ZZEF1: variants seen among roughly 807,000 people sequenced by gnomAD.
ZZEF1 encodes the protein zinc finger ZZ-type and EF-hand domain containing 1.
Under a neutral mutation model 342.8 loss-of-function variants are expected in ZZEF1, and 157 were observed. The observed-to-expected ratio is 0.46, with a 90% CI of 0.40 to 0.52. The LOEUF (loss-of-function observed/expected upper bound fraction) is 0.52. Among genes scored for constraint, ZZEF1 ranks in the 20% least tolerant of loss-of-function variants. The pLI, the probability that ZZEF1 is intolerant of heterozygous loss-of-function variation, is 0.00. For synonymous variants in ZZEF1, 1,505 were observed against 1,429.1 expected (o/e 1.05, Z -1.20); for missense variants, 3,480 against 3,725.6 (o/e 0.93, Z 1.72).
chr17:4,042,621 G>C, intron 38 of ZZEF1, 53 bp from the exon 39 acceptor site: 1 of 1,583,372 alleles, frequency 6.3e-7, no homozygotes, highest in South Asian at 1.2e-5. Flanking sequence ...CATGTATGAA[G>C]AGGCAAGTAA....
Position 4,022,823 on chromosome 17 carries a change from G to A in ZZEF1, c.7098C>T (p.His2366=), listed in dbSNP as rs780812706. 3.4e-5 allele frequency: 55 copies of A among 1,613,622 alleles called. No homozygotes were observed. In the South Asian group the frequency reaches 4.3e-4, roughly 13 times the overall value. Residue 2366 remains histidine (H), a synonymous_variant, in exon 44 of 55, where the codon CAC becomes CAT. Transcript: ENST00000381638. ...AAGTAGCACGGATCTCCTCAAAACC[G>A]TGAGCCTGCCAAGCAGAAGAAGAAT... The part of the protein sequence containing the change: ...LKGLYKTLKA[H]GFEEIRATFL...
Position 4,027,278 on chromosome 17 carries a change from A to G in ZZEF1, c.6893-2160T>C, listed in dbSNP as rs115230263. 5.1e-3 allele frequency among the ~76,000 whole-genome samples: 627 copies of G among 123,238 alleles called. 5 individuals are homozygous for G. Among genetic ancestry groups the G allele is most frequent in the African/African-American group, 0.027 (612 of 22,476 alleles). The allele number at this position is 123,238 out of a possible 152,430, so 80.8% of individuals were successfully genotyped here. ...AGGTATAAGACCTACGCACCCAGCA[A>G]TATCTCACTTTTTTTTTTTTTTTTT... On this transcript the variant is annotated intron_variant, in intron 42 of 54. Transcript: ENST00000381638.
intron 11 of ZZEF1, among the ~76,000 whole-genome samples, chr17:4,092,063 C>G (rs1461584193): frequency 2.4e-5 from 3 of 124,916 alleles, no homozygotes; most frequent in South Asian, 2.9e-4. Flanking sequence ...GCAACAAGAG[C>G]GAAACTCCAC....
chr17:4,044,311 T>C lies in ZZEF1; in HGVS notation c.6079A>G (p.Lys2027Glu), dbSNP rs770365025. The stretch of plus-strand genomic sequence containing the variant: ...GGATCCTTCGATAATGATACACCTT[T>C]ATCTGCCTTATTTCTCTGCTTGAAA... ...VDFKQRNKAD[K>E]GVSLSKDPSC... is the part of the protein sequence containing the mutation. The change falls in exon 38 of 55, where the codon AAA (lysine) becomes GAA (glutamate). Residue 2027 changes from lysine to glutamate, a missense_variant. Lys to Glu is a moderately conservative substitution (Grantham distance 56, BLOSUM62 1). Around this residue, in one of 5 missense-constraint regions of ZZEF1, gnomAD observed 1,269 missense variants for 1,342.4 expected, o/e 0.95. Transcript: ENST00000381638. 1 of 1,614,166 alleles carries C rather than the reference T, an allele frequency of 6.2e-7. No individual in the cohort carries two copies. Among genetic ancestry groups the C allele is most frequent in the South Asian group, 1.1e-5 (1 of 91,086 alleles).
At position 4,044,278 on chromosome 17, in the gene ZZEF1, G is replaced by A; in HGVS notation, c.6112C>T (p.Gln2038Ter). 1 of 1,614,100 alleles carries A rather than the reference G, an allele frequency of 6.2e-7. No homozygotes were observed. Among genetic ancestry groups the A allele is most frequent in the Non-Finnish European group, 8.5e-7 (1 of 1,180,006 alleles). ...GCAGGTGAATCTGAAATTTGGGTCT[G>A]GCATGAAGGATCCTTCGATAATGAT... Reference protein sequence around the residue: ...GVSLSKDPSCQTQISDSPADA... With the variant: ...GVSLSKDPSC Residue 2038 changes from glutamine (Q) to a stop codon, truncating the protein, a stop_gained, in exon 38 of 55, where the codon CAG (glutamine) becomes TAG (stop). Transcript: ENST00000381638. LOFTEE classifies it high-confidence loss of function.
chr17:4,081,004 A>G (rs747312798), intron 18 of ZZEF1, among the ~76,000 whole-genome samples: 6 of 152,172 alleles, frequency 3.9e-5, no homozygotes, highest in Non-Finnish European at 8.8e-5. Flanking sequence ...TGGGAGGCCA[A>G]AGTGGGAGGA....
chr17:4,094,112 T>A (rs1341517787), intron 11 of ZZEF1, among the ~76,000 whole-genome samples: 1 of 152,102 alleles, frequency 6.6e-6, no homozygotes, highest in Non-Finnish European at 1.5e-5. Context: ...GTTCACACAC[T>A]CTTGCAGAAT....
At chr17:4,069,935 A>G (rs2057476767) in intron 26 of ZZEF1, among the ~76,000 whole-genome samples, 2 of 152,360 alleles carry the variant, frequency 1.3e-5, no homozygotes, top group South Asian at 4.1e-4. Context: ...TGGAGAAGAC[A>G]TACCCTGCCA....
chr17:4,132,701 G>T (rs78292121), intron 1 of ZZEF1, among the ~76,000 whole-genome samples: 2 of 110,964 alleles, frequency 1.8e-5, no homozygotes, highest in Admixed American at 1.9e-4. Context: ...GTGTGGTGGC[G>T]GGCGCCTGTA....
rs542447465 is a variant in ZZEF1, at chr17:4,115,460, C to T, written c.695-990G>A. On this transcript the variant is annotated intron_variant, in intron 3 of 54. Transcript: ENST00000381638. Reference sequence around the variant, plus strand: ...GGCGGATCACTTGAGGTCAGGAGGTCGAGACCAGCCTGGCCAACATGGTGA... The same window carrying T: ...GGCGGATCACTTGAGGTCAGGAGGTTGAGACCAGCCTGGCCAACATGGTGA... Among the ~76,000 whole-genome samples, 4 of 152,146 alleles carry T rather than the reference C, an allele frequency of 2.6e-5. No individual in the cohort carries two copies. The East Asian group carries it at 5.8e-4, about 22-fold the overall frequency.
At chr17:4,090,587 A>C in intron 12 of ZZEF1, 132 bp downstream of exon 12, 1 of 686,262 alleles carries the variant, frequency 1.5e-6, no homozygotes, top group Non-Finnish European at 2.6e-6. Flanking sequence ...TGTCTCTCCC[A>C]CAGAGTATGA....
chr17:4,127,151 G>A (rs1433557020), intron 1 of ZZEF1, among the ~76,000 whole-genome samples: 4 of 152,102 alleles, frequency 2.6e-5, no homozygotes, highest in Admixed American at 1.3e-4. Context: ...GACTACAGGC[G>A]TTTCACACCT....
intron 1 of ZZEF1, among the ~76,000 whole-genome samples, chr17:4,134,486 G>A (rs2058717658): frequency 6.6e-6 from 1 of 151,666 alleles, no homozygotes; most frequent in Non-Finnish European, 1.5e-5. Flanking sequence ...AGACAGATCT[G>A]TAAACCAACA....
intron 35 of ZZEF1, 38 bp from the exon 36 acceptor site, chr17:4,051,081 C>T (rs2057035964): frequency 6.2e-7 from 1 of 1,613,750 alleles, no homozygotes; most frequent in Non-Finnish European, 8.5e-7. Flanking sequence ...TACAACCCTC[C>T]AAAAGCTTTT....
At chr17:4,131,072 T>C (rs968204818) in intron 1 of ZZEF1, among the ~76,000 whole-genome samples, 1 of 152,098 alleles carries the variant, frequency 6.6e-6, no homozygotes, top group East Asian at 1.9e-4. Flanking sequence ...AAAATCATTC[T>C]TACACATGCA....
chr17:4,118,999 G>A (rs1377057897), intron 2 of ZZEF1, among the ~76,000 whole-genome samples: 2 of 152,228 alleles, frequency 1.3e-5, no homozygotes, highest in Non-Finnish European at 2.9e-5. Context: ...ATATTATGAC[G>A]TGAAGCTGAA....
In ZZEF1 at chr17:4,088,720, G is replaced by T; in HGVS notation, c.2199C>A (p.Leu733=). ...GCTGGATAAACTGAAGGGTCCTGAG[G>T]AGCAACGTGGCCCCACAGACACTCT... is the stretch of plus-strand genomic sequence containing the variant. ...TEESVCGATL[L]LRTLQFIQQL... is the part of the protein sequence containing the mutation. The change falls in exon 13 of 55, where the codon CTC becomes CTA. Residue 733 remains leucine, a synonymous_variant. Transcript: ENST00000381638. 6.2e-7 allele frequency: 1 copy of T among 1,614,190 alleles called. No homozygotes were observed. The highest frequency in any genetic ancestry group is 8.5e-7 in the Non-Finnish European group (1 of 1,180,038).
chr17:4,007,276 G>A (rs1475531587), intron 54 of ZZEF1, among the ~76,000 whole-genome samples: 1 of 152,260 alleles, frequency 6.6e-6, no homozygotes, highest in Non-Finnish European at 1.5e-5. Flanking sequence ...ATGCAGGTGG[G>A]GAAGGGCAAG....
chr17:4,096,757 C>G, intron 9 of ZZEF1, 57 bp from the exon 10 acceptor site: 4 of 1,372,588 alleles, frequency 2.9e-6, no homozygotes, highest in Non-Finnish European at 3.1e-6. Context: ...GCCCTAAGAA[C>G]TAAGATCAAC....
Sources: allele counts gnomAD v4.1 joint callset (sites outside exome capture counted in the v4.1 genomes callset), GRCh38; gene constraint gnomAD v4.1.1; regional missense constraint gnomAD v4.1.1; transcripts MANE v1.5; gene names NCBI Gene and HGNC (gene_info 2026-07-23, HGNC 2026-07-21).